Variants in MEST observed in about 807,000 individuals in gnomAD.
MEST encodes mesoderm specific transcript, also known as mesoderm-specific transcript homolog protein.
MEST carries 18 observed loss-of-function variants against 50.9 expected under a neutral mutation model. That is an observed-to-expected ratio of 0.35 (90% confidence interval 0.24 to 0.52). The LOEUF (loss-of-function observed/expected upper bound fraction) is 0.52, where lower values mean the gene tolerates loss of function less well. MEST is among the 20% of genes least tolerant of loss of function. MEST has a pLI of 0.94. For synonymous variants in MEST, 130 were observed against 154.1 expected (o/e 0.84, Z 1.16); for missense variants, 282 against 425.3 (o/e 0.66, Z 2.96).
intron 1 of MEST, among the ~76,000 whole-genome samples, chr7:130,494,268 T>A (rs1190464104): frequency 6.6e-6 from 1 of 152,216 alleles, no homozygotes; most frequent in East Asian, 1.9e-4. Context: ...CCCCAGGGCT[T>A]TAGCAATTAA....
chr7:130,498,908 T>C (rs966067643), intron 6 of MEST: 8 of 181,018 alleles, frequency 4.4e-5, no homozygotes, highest in Non-Finnish European at 2.3e-5. Context: ...CACAAGTGTT[T>C]CTAATACTAC....
chr7:130,502,439 AGGCAT>A (rs1799310350), intron 9 of MEST, among the ~76,000 whole-genome samples, 200 bp from the exon 10 acceptor site: 1 of 152,194 alleles, frequency 6.6e-6, no homozygotes, highest in Admixed American at 6.5e-5. Flanking sequence ...TATTGATAGT[AGGCAT>A]AATCACTACT....
At chr7:130,490,479 C>T (rs1798761193), upstream of MEST, among the ~76,000 whole-genome samples, 1 of 152,168 alleles carries the variant, frequency 6.6e-6, no homozygotes, top group South Asian at 2.1e-4. Flanking sequence ...CTCCCCTGTG[C>T]GCCCTCAAAT....
chr7:130,491,635 G>C (rs1190202458), upstream of MEST: 1 of 152,376 alleles, frequency 6.6e-6, no homozygotes, highest in Non-Finnish European at 1.5e-5. The surrounding 1 kb of genome is among the most constrained non-coding windows in gnomAD (Gnocchi z 6.8). Context: ...GGGAGCAGGC[G>C]CCACGGCCGG....
chr7:130,498,757 C>T, intron 6 of MEST: 2 of 521,922 alleles, frequency 3.8e-6, no homozygotes, highest in African/African-American at 1.9e-5. Flanking sequence ...TGTGCTTTTT[C>T]AATGCATTAG....
upstream of MEST, chr7:130,487,773 A>G (rs1798668360): frequency 6.6e-6 from 1 of 152,204 alleles, no homozygotes; most frequent in Non-Finnish European, 1.5e-5. Flanking sequence ...CAGCCTCCCA[A>G]GTAGCTGGGA....
At chr7:130,504,819 C>A in intron 11 of MEST, 120 bp from the exon 12 acceptor site, 1 of 661,828 alleles carries the variant, frequency 1.5e-6, no homozygotes, top group Non-Finnish European at 2.7e-6. Context: ...GGTGAATAAG[C>A]TCTTTGGTGG....
chr7:130,504,972 G>A lies in MEST; in HGVS notation c.924G>A (p.Leu308=), dbSNP rs1554439523. Residue 308 remains leucine, a synonymous_variant, in exon 12 of 12, where the codon CTG becomes CTA. Transcript: ENST00000223215. The part of the protein sequence containing the change: ...KTLPRSTVSI[L]DDHISHYPQL... ...TGCCGCGGTCCACAGTGTCGATTCT[G>A]GATGACCACATTAGCCACTATCCAC... is the stretch of plus-strand genomic sequence containing the variant. 6.2e-7 allele frequency: 1 copy of A among 1,613,778 alleles called. No homozygotes were observed. The highest frequency in any genetic ancestry group is 1.3e-5 in the African/African-American group (1 of 75,012).
intron 1 of MEST, among the ~76,000 whole-genome samples, chr7:130,494,195 G>C (rs1554436224): frequency 6.6e-6 from 1 of 152,240 alleles, no homozygotes; most frequent in African/African-American, 2.4e-5. Flanking sequence ...GAGGAAGTTA[G>C]CGAACGGGTA....
Position 130,499,858 on chromosome 7 carries a change from AT to A in MEST, c.536-16del, listed in dbSNP as rs1563025064. The A allele has an allele frequency of 6.9e-6, 11 of 1,596,764 alleles. No homozygotes were observed. The highest frequency in any genetic ancestry group is 9.4e-6 in the Non-Finnish European group (11 of 1,174,134). ...TTAAAGCTGTAGGTAAATGACTAAG[AT>A]AAGTCTCTTCTACAGGTATCTTTCC... On this transcript the variant is annotated splice_polypyrimidine_tract_variant and intron_variant, in intron 6 of 11. Transcript: ENST00000223215.
intron 6 of MEST, among the ~76,000 whole-genome samples, chr7:130,499,050 G>T (rs765890133): frequency 7.2e-5 from 11 of 152,156 alleles, no homozygotes; most frequent in Non-Finnish European, 1.3e-4. Context: ...TGTTATTCAA[G>T]GACCTGCTGT....
In MEST at chr7:130,498,428, G is replaced by C; in HGVS notation, c.486G>C (p.Gln162His). Residue 162 changes from glutamine to histidine, a missense_variant, in exon 6 of 12, where the codon CAG becomes CAC. Coordinates refer to ENST00000223215, the MANE Select transcript of MEST (RefSeq NM_002402.4). ...VAQELLYRYK[Q>H]NRSGRLTIKS... ...CTCGTCTCCCTTCTAGGTACAAGCA[G>C]AATCGATCTGGTCGGCTTACCATAA... The C allele has an allele frequency of 6.2e-7, 1 of 1,614,144 alleles. No individual in the cohort carries two copies. The highest frequency in any genetic ancestry group is 8.5e-7 in the Non-Finnish European group (1 of 1,180,032).
Position 130,497,920 on chromosome 7 carries a change from C to T in MEST, c.262-16C>T, listed in dbSNP as rs199964745. The T allele has an allele frequency of 5.7e-5, 92 of 1,613,180 alleles. No individual in the cohort carries two copies. Among genetic ancestry groups the T allele is most frequent in the African/African-American group, 2.0e-4 (15 of 75,014 alleles). ...GGCAGGAGCAGAAAGCCCAAATCAT[C>T]GTTTCTTTCTTGTAGATTTGGGAAG... On this transcript the variant is annotated splice_polypyrimidine_tract_variant and intron_variant, in intron 3 of 11. Transcript: ENST00000223215. The surrounding 1 kb of genome is among the most constrained non-coding windows in gnomAD (Gnocchi z 4.0).
At chr7:130,498,393 T>C (rs1554437727) in intron 5 of MEST, 26 bp from the exon 6 acceptor site, 3 of 1,613,806 alleles carry the variant, frequency 1.9e-6, no homozygotes, top group African/African-American at 1.3e-5. Context: ...CTCAGCTACA[T>C]GTGTGTTTCC....
chr7:130,502,982 C>CT (rs1799332795), intron 10 of MEST, among the ~76,000 whole-genome samples: 1 of 152,120 alleles, frequency 6.6e-6, no homozygotes, highest in Non-Finnish European at 1.5e-5. Context: ...TTACTGGCAA[C>CT]TGTACTCATG....
rs1554438746 is a variant in MEST, at chr7:130,502,626, G to C, written c.750-18G>C. The C allele has an allele frequency of 1.2e-6, 2 of 1,606,508 alleles. No individual in the cohort carries two copies. Among genetic ancestry groups the C allele is most frequent in the African/African-American group, 2.7e-5 (2 of 74,850 alleles). On this transcript the variant is annotated intron_variant, in intron 9 of 11. Coordinates refer to ENST00000223215, the MANE Select transcript of MEST (RefSeq NM_002402.4). The stretch of plus-strand genomic sequence containing the variant: ...AAAGGTTTCTTGTTCTGCACATGCT[G>C]ACTTACCTGTCCTACAGTCTCTTAC...
intron 10 of MEST, 146 bp downstream of exon 10, chr7:130,502,866 T>A: frequency 3.2e-6 from 2 of 632,212 alleles, no homozygotes; most frequent in South Asian, 4.4e-5. Flanking sequence ...AAACAACAAA[T>A]GCTTTTTTAG....
chr7:130,497,735 C>T lies in MEST; in HGVS notation c.262-201C>T, dbSNP rs1799118574. 1.7e-6 allele frequency: 1 copy of T among 595,352 alleles called. No individual in the cohort carries two copies. The highest frequency in any genetic ancestry group is 3.0e-6 in the Non-Finnish European group (1 of 332,946). The allele number at this position is 595,352 out of a possible 1,614,324, so 36.9% of individuals were successfully genotyped here. On this transcript the variant is annotated intron_variant, in intron 3 of 11. Coordinates refer to ENST00000223215, the MANE Select transcript of MEST (RefSeq NM_002402.4). This position sits in a 1 kb window ranked among gnomAD's most constrained non-coding sequence, Gnocchi z 4.0. ...TCTGGAAGGGATCACTGCCAAGTTA[C>T]CCTCCCTCAACAGGGATTAATTACC...
upstream of MEST, chr7:130,487,419 C>G (rs904666689): frequency 3.9e-5 from 6 of 152,088 alleles, no homozygotes; most frequent in Non-Finnish European, 8.8e-5. Context: ...TGGAGTAATG[C>G]AGAGGGTGTG....
Sources: gnomAD v4.1 joint callset for allele counts (sites outside exome capture counted in the v4.1 genomes callset) on GRCh38, gnomAD v4.1.1 for gene constraint, Gnocchi (gnomAD v3.1) non-coding constraint, MANE v1.5 for transcripts, NCBI Gene and HGNC (gene_info 2026-07-23, HGNC 2026-07-21) for gene names.